Variants in CHST11 observed in about 807,000 individuals in gnomAD.
CHST11 encodes C4S-1.
CHST11 carries 9 observed loss-of-function variants against 30.4 expected under a neutral mutation model. That is an observed-to-expected ratio of 0.30 (90% confidence interval 0.18 to 0.52). CHST11 has a LOEUF of 0.52. Among genes scored for constraint, CHST11 ranks in the 20% least tolerant of loss-of-function variants. CHST11 has a pLI of 0.97. For synonymous variants in CHST11, 152 were observed against 187.8 expected, an observed-to-expected ratio of 0.81 and a Z score of 1.56; for missense variants, 348 against 460.6, an observed-to-expected ratio of 0.76 and a Z score of 2.24.
intron 2 of CHST11, among the ~76,000 whole-genome samples, chr12:104,718,389 CCA>C (rs2040147874): frequency 6.6e-6 from 1 of 152,162 alleles, no homozygotes; most frequent in South Asian, 2.1e-4. Flanking sequence ...TGCACAACCA[CCA>C]GGTGAGGACG....
At chr12:104,510,732 T>C (rs555164684) in intron 1 of CHST11, among the ~76,000 whole-genome samples, 2 of 152,236 alleles carry the variant, frequency 1.3e-5, no homozygotes, top group Non-Finnish European at 2.9e-5. Flanking sequence ...TTTGTTCGGA[T>C]TGAGATGCTC....
intron 1 of CHST11, among the ~76,000 whole-genome samples, chr12:104,465,714 C>T (rs1343928): frequency 0.08 from 12,168 of 152,150 alleles, 861 homozygotes; most frequent in African/African-American, 0.2. Flanking sequence ...AATCCATGTG[C>T]GCAGAACTCA....
At chr12:104,654,989 A>G (rs2039529464) in intron 2 of CHST11, among the ~76,000 whole-genome samples, 1 of 152,158 alleles carries the variant, frequency 6.6e-6, no homozygotes, top group African/African-American at 2.4e-5. Flanking sequence ...AGGAACACAC[A>G]TGTAGCTCTC....
chr12:104,758,002 T>C lies in CHST11; in HGVS notation c.*199T>C, dbSNP rs1349783800. ...CAGGGGAAATAGGATGGGTCGTCCT[T>C]GTCTGTAGAAGTGAATACTGCAACA... On this transcript the variant is annotated 3_prime_UTR_variant, in exon 3 of 3. Coordinates refer to ENST00000303694, the MANE Select transcript of CHST11 (RefSeq NM_018413.6). 3.3e-6 allele frequency: 2 copies of C among 608,418 alleles called. No homozygotes were observed. The highest frequency in any genetic ancestry group is 2.8e-6 in the Non-Finnish European group (1 of 355,810). The allele number at this position is 608,418 out of a possible 1,614,324, so 37.7% of individuals were successfully genotyped here.
At chr12:104,487,389 C>G (rs2091769) in intron 1 of CHST11, among the ~76,000 whole-genome samples, 122,239 of 152,210 alleles carry the variant, frequency 0.8, 49,474 homozygotes, top group East Asian at 0.99. Flanking sequence ...AGCCTCACAA[C>G]TAGCTGGGAC....
chr12:104,697,162 T>C (rs2039954716), intron 2 of CHST11, among the ~76,000 whole-genome samples: 1 of 152,220 alleles, frequency 6.6e-6, no homozygotes, highest in Admixed American at 6.5e-5. Context: ...CAGCAGTGGA[T>C]GGGGACCCCG....
At chr12:104,607,655 A>G (rs909373176) in intron 2 of CHST11, among the ~76,000 whole-genome samples, 2 of 152,100 alleles carry the variant, frequency 1.3e-5, no homozygotes, top group Non-Finnish European at 2.9e-5. Flanking sequence ...CCACAGGGAG[A>G]CAGTCCATGG....
intron 1 of CHST11, among the ~76,000 whole-genome samples, chr12:104,562,191 T>C (rs1592764373): frequency 6.6e-6 from 1 of 150,782 alleles, no homozygotes; most frequent in South Asian, 2.1e-4. Context: ...ATGGAATTGA[T>C]TCGCAGAAAT....
chr12:104,664,713 C>T (rs1281394060), intron 2 of CHST11, among the ~76,000 whole-genome samples: 2 of 152,142 alleles, frequency 1.3e-5, no homozygotes, highest in Non-Finnish European at 2.9e-5. Flanking sequence ...TTTTATGGTG[C>T]CATTTTGACT....
chr12:104,525,249 C>A (rs112612423), intron 1 of CHST11, among the ~76,000 whole-genome samples: 10 of 152,082 alleles, frequency 6.6e-5, no homozygotes, highest in African/African-American at 2.4e-4. Context: ...CCTCAGCCTG[C>A]CAAAGTGCTG....
intron 1 of CHST11, among the ~76,000 whole-genome samples, chr12:104,520,275 A>G (rs1209427448): frequency 6.6e-6 from 1 of 152,156 alleles, no homozygotes; most frequent in Non-Finnish European, 1.5e-5. Context: ...ATCTCTCAGG[A>G]TCTTACATGC....
intron 2 of CHST11, among the ~76,000 whole-genome samples, chr12:104,647,092 C>T (rs778433987): frequency 1.3e-5 from 2 of 152,184 alleles, no homozygotes; most frequent in Non-Finnish European, 2.9e-5. Flanking sequence ...GGTGAGCTCC[C>T]CATCACAGGA....
At chr12:104,581,616 G>A (rs1388547811) in intron 1 of CHST11, among the ~76,000 whole-genome samples, 9 of 152,194 alleles carry the variant, frequency 5.9e-5, no homozygotes, top group Non-Finnish European at 1.2e-4. Flanking sequence ...TGGTGGGCAG[G>A]AGGGTGGGGA....
chr12:104,577,234 A>ATTTTTTTT (rs34967812), intron 1 of CHST11, among the ~76,000 whole-genome samples: 2 of 74,218 alleles, frequency 2.7e-5, no homozygotes, highest in Non-Finnish European at 4.8e-5. Context: ...GCAGCCCTTC[A>ATTTTTTTT]TTTTTTTTTT....
At chr12:104,638,103 G>A (rs1412471248) in intron 2 of CHST11, among the ~76,000 whole-genome samples, 2 of 152,120 alleles carry the variant, frequency 1.3e-5, no homozygotes, top group African/African-American at 4.8e-5. Context: ...TTGTAAAATG[G>A]GTCTTCCGGG....
At chr12:104,669,187 C>A (rs1273619298) in intron 2 of CHST11, among the ~76,000 whole-genome samples, 2 of 152,134 alleles carry the variant, frequency 1.3e-5, no homozygotes, top group Non-Finnish European at 2.9e-5. Flanking sequence ...GCAGCCAGAG[C>A]GTTTTTCCTC....
chr12:104,637,620 C>T (rs966382966), intron 2 of CHST11, among the ~76,000 whole-genome samples: 3 of 152,154 alleles, frequency 2.0e-5, no homozygotes, highest in Admixed American at 6.5e-5. Context: ...TCTCTAACAA[C>T]GTCCATGAGG....
chr12:104,564,069 CT>C (rs1421225454), intron 1 of CHST11, among the ~76,000 whole-genome samples: 1 of 152,072 alleles, frequency 6.6e-6, no homozygotes, highest in South Asian at 2.1e-4. Context: ...GTCTCTGCCC[CT>C]AGGAGCTCTA....
intron 2 of CHST11, among the ~76,000 whole-genome samples, chr12:104,655,125 T>C (rs945008008): frequency 5.9e-5 from 9 of 152,198 alleles, no homozygotes; most frequent in African/African-American, 1.9e-4. Context: ...CACATTCATG[T>C]CCAGTAATAG....
Sources: allele counts gnomAD v4.1 joint callset (sites outside exome capture counted in the v4.1 genomes callset), GRCh38; gene constraint gnomAD v4.1.1; transcripts MANE v1.5; gene names NCBI Gene and HGNC (gene_info 2026-07-23, HGNC 2026-07-21).